Variants in TMEM25 observed in about 807,000 individuals in gnomAD.
The protein encoded by TMEM25 is transmembrane protein 25.
In TMEM25, 36 loss-of-function variants were observed where a neutral mutation model predicts 37.0. That is an observed-to-expected ratio of 0.97 (90% CI 0.75 to 1.28). The LOEUF is 1.28. Ranked by LOEUF, TMEM25 falls within the 50% of genes most tolerant of loss-of-function variation. The probability of loss-of-function intolerance (pLI) is 0.00; values close to 1 mark genes in which losing one functional copy is unlikely to be tolerated. For synonymous variants in TMEM25, 197 were observed against 203.7 expected (o/e 0.97, Z 0.28); for missense variants, 444 against 477.9 (o/e 0.93, Z 0.66).
At chr11:118,541,988 T>G (rs1442636095) in intron 8 of TMEM25, among the ~76,000 whole-genome samples, 4 of 152,204 alleles carry the variant, frequency 2.6e-5, no homozygotes, top group African/African-American at 9.6e-5. Flanking sequence ...ACGTTTGGGC[T>G]CAAGCAGTCC....
downstream of TMEM25, among the ~76,000 whole-genome samples, chr11:118,540,061 T>C (rs1389256165): frequency 2.7e-5 from 4 of 148,362 alleles, no homozygotes; most frequent in Non-Finnish European, 6.0e-5. Flanking sequence ...AATCATGAGG[T>C]GGGAAAAGCC....
chr11:118,534,127 G>T lies in TMEM25; in HGVS notation c.935G>T (p.Arg312Ile). 6.2e-7 allele frequency: 1 copy of T among 1,614,128 alleles called. No homozygotes were observed. The highest frequency in any genetic ancestry group is 8.5e-7 in the Non-Finnish European group (1 of 1,179,982). ...CTCAATGACCTCACTCCAGATTCCA[G>T]AGGTATATCTAGGGCCCTGCTCTTT... is the stretch of plus-strand genomic sequence containing the variant. ...LQLNDLTPDS[R>I]AVKPADRQMA... is the part of the protein sequence containing the mutation. Residue 312 changes from arginine (R) to isoleucine (I), a missense_variant and splice_region_variant, in exon 7 of 9, where the codon AGA (arginine) becomes ATA (isoleucine). Arg to Ile is a moderately conservative substitution (Grantham distance 97). Coordinates refer to ENST00000313236, the MANE Select transcript of TMEM25 (RefSeq NM_032780.4). This position sits in a 1 kb window ranked among gnomAD's most constrained non-coding sequence, Gnocchi z 4.6.
At chr11:118,545,457 C>T in intron 8 of TMEM25, 1 of 1,613,748 alleles carries the variant, frequency 6.2e-7, no homozygotes, top group Non-Finnish European at 8.5e-7. Context: ...GATGGAGGGA[C>T]TGGATCCGAC....
At chr11:118,544,982 T>C in intron 8 of TMEM25, 1 of 1,613,476 alleles carries the variant, frequency 6.2e-7, no homozygotes, top group African/African-American at 1.3e-5. Flanking sequence ...GAGTGAATGC[T>C]TTCTTGCCTT....
rs1555061772 is a variant in TMEM25 at position 118,534,230 on chromosome 11, C to G, written c.938-36C>G. Reference sequence around the variant, plus strand: ...GAGGGGCGAGGCCTCATCAGGCACACTCCTCGTCCTGAACACTGCCCTCTT... The same window carrying G: ...GAGGGGCGAGGCCTCATCAGGCACAGTCCTCGTCCTGAACACTGCCCTCTT... On this transcript the variant is annotated intron_variant, in intron 7 of 8. Coordinates refer to ENST00000313236, the MANE Select transcript of TMEM25 (RefSeq NM_032780.4). This position sits in a 1 kb window ranked among gnomAD's most constrained non-coding sequence, Gnocchi z 4.6. The G allele has an allele frequency of 6.2e-7, 1 of 1,613,772 alleles. No individual in the cohort carries two copies. The highest frequency in any genetic ancestry group is 1.7e-5 in the Admixed American group (1 of 60,012).
At chr11:118,532,529 G>C in intron 3 of TMEM25, 68 bp downstream of exon 3, 1 of 1,524,090 alleles carries the variant, frequency 6.6e-7, no homozygotes, top group Non-Finnish European at 8.8e-7. Context: ...CCACCAGGCA[G>C]GTGGTCCGCA....
chr11:118,533,376 G>A (rs1555060803), intron 4 of TMEM25, 44 bp from the exon 5 acceptor site: 1 of 1,610,468 alleles, frequency 6.2e-7, no homozygotes, highest in Non-Finnish European at 8.5e-7. Flanking sequence ...TGTTGGGGCT[G>A]GGGCACTACC....
chr11:118,532,870 G>A (rs1555060018), intron 3 of TMEM25, 47 bp from the exon 4 acceptor site: 6 of 1,573,120 alleles, frequency 3.8e-6, no homozygotes, highest in South Asian at 1.2e-5. Flanking sequence ...AGGGCTAGAA[G>A]TATGAGGGGC....
chr11:118,533,583 G>A, intron 5 of TMEM25, 32 bp downstream of exon 5: 2 of 1,613,338 alleles, frequency 1.2e-6, no homozygotes, highest in Non-Finnish European at 1.7e-6. Context: ...CAGTGTGGAT[G>A]AGGTCAGGCT....
chr11:118,541,174 C>A (rs1201759345), intron 8 of TMEM25, among the ~76,000 whole-genome samples: 2 of 152,094 alleles, frequency 1.3e-5, no homozygotes, highest in African/African-American at 4.8e-5. Context: ...AGAAATTTCA[C>A]CTAACAGGCC....
chr11:118,534,954 G>A lies in TMEM25; in HGVS notation c.*374G>A, dbSNP rs115279455. ...CCACCCCAGTACTCCACAGCACCTTGTACAGTAGGCATGGGGGCGTGCCTG... is the reference window on the plus strand; with the variant it reads ...CCACCCCAGTACTCCACAGCACCTTATACAGTAGGCATGGGGGCGTGCCTG... On this transcript the variant is annotated 3_prime_UTR_variant, in exon 9 of 9. Coordinates refer to ENST00000313236, the MANE Select transcript of TMEM25 (RefSeq NM_032780.4). The surrounding 1 kb of genome is among the most constrained non-coding windows in gnomAD (Gnocchi z 4.6). 4.8e-4 allele frequency: 524 copies of A among 1,100,566 alleles called. No individual in the cohort carries two copies. The African/African-American group carries it at 7.2e-3, about 15-fold the overall frequency. The allele number at this position is 1,100,566 out of a possible 1,614,324, so 68.2% of individuals were successfully genotyped here.
At chr11:118,533,767 C>CAGGCCTGGCCTGGCAT in intron 5 of TMEM25, 90 bp from the exon 6 acceptor site, 1 of 1,603,738 alleles carries the variant, frequency 6.2e-7, no homozygotes, top group Non-Finnish European at 8.5e-7. Context: ...TGAGAGACCC[C>CAGGCCTGGCCTGGCAT]TTGCCTGAGG....
downstream of TMEM25, among the ~76,000 whole-genome samples, chr11:118,539,958 T>C (rs774032405): frequency 5.5e-5 from 8 of 145,066 alleles, no homozygotes; most frequent in Non-Finnish European, 1.2e-4. Context: ...GAGGCGGAGG[T>C]TGCAGTGAGC....
chr11:118,531,343 G>A (rs1951246343), intron 1 of TMEM25, 109 bp downstream of exon 1: 4 of 333,764 alleles, frequency 1.2e-5, no homozygotes, highest in South Asian at 8.8e-5. Flanking sequence ...TCAGGAAAGG[G>A]GGCGTAGGGC....
downstream of TMEM25, among the ~76,000 whole-genome samples, chr11:118,536,496 AAT>A (rs1951512585): frequency 6.6e-6 from 1 of 152,180 alleles, no homozygotes; most frequent in African/African-American, 2.4e-5. Context: ...CGCCCGGCCT[AAT>A]ATGTTTTTTA....
Position 118,534,481 on chromosome 11 carries a change from C to CCCCGCGGGCTTCTTTGAT in TMEM25, c.1028-20_1028-3dup. 1.2e-6 allele frequency: 2 copies of CCCCGCGGGCTTCTTTGAT among 1,613,822 alleles called. No individual in the cohort carries two copies. The highest frequency in any genetic ancestry group is 8.5e-7 in the Non-Finnish European group (1 of 1,179,962). On this transcript the variant is annotated intron_variant, in intron 8 of 8. Coordinates refer to ENST00000313236, the MANE Select transcript of TMEM25 (RefSeq NM_032780.4). The surrounding 1 kb of genome is among the most constrained non-coding windows in gnomAD (Gnocchi z 4.6). ...TTCCAAGGAACAAGCGTTACTGAGT[C>CCCCGCGGGCTTCTTTGAT]CCCGCGGGCTTCTTTGATCCCGCAG...
chr11:118,531,875 C>T lies in TMEM25; in HGVS notation c.70+4C>T, dbSNP rs1555058601. ...CTGCCAGCCCTTCTGAGCTCAGGTACACCCCTGTTCAGTCGTTGACCAAGT... is the reference window on the plus strand; with the variant it reads ...CTGCCAGCCCTTCTGAGCTCAGGTATACCCCTGTTCAGTCGTTGACCAAGT... On this transcript the variant is annotated splice_donor_region_variant and intron_variant, in intron 2 of 8. Coordinates refer to ENST00000313236, the MANE Select transcript of TMEM25 (RefSeq NM_032780.4). The T allele has an allele frequency of 5.2e-6, 8 of 1,551,636 alleles. No individual in the cohort carries two copies. Among genetic ancestry groups the T allele is most frequent in the East Asian group, 2.4e-5 (1 of 40,910 alleles).
Position 118,532,729 on chromosome 11 carries a change from T to C in TMEM25, c.383-188T>C, listed in dbSNP as rs1290141887. On this transcript the variant is annotated intron_variant, in intron 3 of 8. Transcript: ENST00000313236. ...CAGAGCCAGGATTCACATCTGGGCA[T>C]TTGGCTCTAGTATTTACACTCATAA... 5.7e-6 allele frequency: 5 copies of C among 872,340 alleles called. No homozygotes were observed. The Admixed American group carries it at 1.1e-4, about 19-fold the overall frequency. The allele number at this position is 872,340 out of a possible 1,614,324, so 54.0% of individuals were successfully genotyped here.
At chr11:118,533,714 A>G (rs1219073766) in intron 5 of TMEM25, 143 bp from the exon 6 acceptor site, 4 of 1,562,134 alleles carry the variant, frequency 2.6e-6, no homozygotes, top group Non-Finnish European at 2.6e-6. Flanking sequence ...AGGGTCAAGC[A>G]CTGGGAACCC....
Sources: gnomAD v4.1 joint callset for allele counts (sites outside exome capture counted in the v4.1 genomes callset) on GRCh38, gnomAD v4.1.1 for gene constraint, Gnocchi (gnomAD v3.1) non-coding constraint, MANE v1.5 for transcripts, NCBI Gene and HGNC (gene_info 2026-07-23, HGNC 2026-07-21) for gene names.